The following CEP350 variants were observed in gnomAD, a reference collection of about 807,000 sequenced individuals.
CEP350 encodes the protein centrosomal protein 350.
Under a neutral mutation model 331.8 loss-of-function variants are expected in CEP350, and 126 were observed. That is an observed-to-expected ratio of 0.38 (90% CI 0.33 to 0.44). The LOEUF is 0.44. Ranked by LOEUF, CEP350 falls within the 20% of genes least tolerant of loss-of-function variation. The pLI is 1.00. For missense variants in CEP350, 3,406 were observed against 3,634.6 expected, an observed-to-expected ratio of 0.94 and a Z score of 1.62; for synonymous variants, 1,200 against 1,259.5, an observed-to-expected ratio of 0.95 and a Z score of 1.00.
At chr1:180,014,556 T>C in intron 10 of CEP350, 51 bp downstream of exon 10, 1 of 1,465,868 alleles carries the variant, frequency 6.8e-7, no homozygotes, top group South Asian at 1.4e-5. Context: ...TAGGAAATGC[T>C]TATTTGCTAT....
chr1:179,969,017 T>A, intron 1 of CEP350: 1 of 752,412 alleles, frequency 1.3e-6, no homozygotes, highest in Non-Finnish European at 2.4e-6. Context: ...CTTGTGGTGG[T>A]TTGACCACCA....
At chr1:180,044,384 C>T (rs888285228) in intron 21 of CEP350, among the ~76,000 whole-genome samples, 48 of 152,064 alleles carry the variant, frequency 3.2e-4, no homozygotes, top group Non-Finnish European at 5.6e-4. Flanking sequence ...ATTGTACAAG[C>T]ATTGTATAAA....
intron 1 of CEP350, among the ~76,000 whole-genome samples, chr1:179,958,062 T>C (rs1650309358): frequency 1.3e-5 from 2 of 152,190 alleles, no homozygotes; most frequent in African/African-American, 4.8e-5. Context: ...AGCTGCTAAG[T>C]CTACATTTGT....
At chr1:180,051,493 G>T (rs1657499138) in intron 22 of CEP350, among the ~76,000 whole-genome samples, 1 of 151,982 alleles carries the variant, frequency 6.6e-6, no homozygotes, top group South Asian at 2.1e-4. Context: ...CAACGTTTAG[G>T]ATGAAGGAAC....
intron 36 of CEP350, among the ~76,000 whole-genome samples, chr1:180,098,144 A>G (rs1558159487): frequency 6.6e-6 from 1 of 151,858 alleles, no homozygotes; most frequent in Non-Finnish European, 1.5e-5. Context: ...CTAATTTTGT[A>G]TTTTTAGTAG....
intron 11 of CEP350, among the ~76,000 whole-genome samples, chr1:180,019,256 A>G (rs1374977446): frequency 6.6e-6 from 1 of 152,200 alleles, no homozygotes; most frequent in African/African-American, 2.4e-5. Flanking sequence ...ATATAGGTAA[A>G]TACACATAAT....
intron 12 of CEP350, 121 bp from the exon 13 acceptor site, chr1:180,022,577 C>A: frequency 7.2e-6 from 5 of 699,270 alleles, no homozygotes; most frequent in Non-Finnish European, 9.4e-6. Context: ...AGAAAAGAGG[C>A]ACTATTAAAG....
chr1:180,022,671 C>A, intron 12 of CEP350, 27 bp from the exon 13 acceptor site: 1 of 1,596,506 alleles, frequency 6.3e-7, no homozygotes, highest in Non-Finnish European at 8.5e-7. Context: ...TCGTTTTTAA[C>A]CATGTTTCAA....
chr1:180,074,589 G>A (rs1659103662), intron 27 of CEP350, among the ~76,000 whole-genome samples: 1 of 152,108 alleles, frequency 6.6e-6, no homozygotes, highest in African/African-American at 2.4e-5. Flanking sequence ...TTGGGGCTTT[G>A]GGGTTTGTTT....
intron 21 of CEP350, among the ~76,000 whole-genome samples, chr1:180,046,538 AC>A (rs763775530): frequency 1.4e-4 from 21 of 152,208 alleles, no homozygotes; most frequent in Non-Finnish European, 2.6e-4. Context: ...AATGCTGTGA[AC>A]ATTCACATAT....
chr1:180,092,459 TAAAAG>T (rs1053948285), intron 33 of CEP350, among the ~76,000 whole-genome samples, 150 bp from the exon 34 acceptor site: 10 of 152,206 alleles, frequency 6.6e-5, no homozygotes, highest in South Asian at 2.1e-4. Flanking sequence ...GATATTCTCT[TAAAAG>T]AAAAACTTAT....
In CEP350 at chr1:180,020,452, T is replaced by C; in HGVS notation, c.2678T>C (p.Ile893Thr). 1 of 1,613,988 alleles carries C rather than the reference T, an allele frequency of 6.2e-7. No homozygotes were observed. Among genetic ancestry groups the C allele is most frequent in the Non-Finnish European group, 8.5e-7 (1 of 1,179,888 alleles). Residue 893 changes from isoleucine (I) to threonine (T), a missense_variant, in exon 12 of 38, where the codon ATT becomes ACT. This residue lies in a region of CEP350 where 1,857 missense variants were observed against 1,909.2 expected (regional missense o/e 0.97). Coordinates refer to ENST00000367607, the MANE Select transcript of CEP350 (RefSeq NM_014810.5). ...DDNEDVFSAR[I>T]QKMLGSCVSH... ...AATGAAGATGTTTTCTCTGCCAGAATTCAGAAGATGCTGGGAAGCTGTGTA... is the reference window on the plus strand; with the variant it reads ...AATGAAGATGTTTTCTCTGCCAGAACTCAGAAGATGCTGGGAAGCTGTGTA...
At chr1:180,069,221 G>A (rs1415929532) in intron 27 of CEP350, among the ~76,000 whole-genome samples, 1 of 152,116 alleles carries the variant, frequency 6.6e-6, no homozygotes, top group Non-Finnish European at 1.5e-5. Context: ...TTCCCAGTTG[G>A]CTTACAAAAC....
At chr1:179,985,007 T>C (rs1189559243) in intron 1 of CEP350, among the ~76,000 whole-genome samples, 2 of 152,166 alleles carry the variant, frequency 1.3e-5, no homozygotes, top group African/African-American at 4.8e-5. Context: ...AACATATACA[T>C]AACAAAATTT....
At chr1:179,985,133 C>T (rs1247726664) in intron 1 of CEP350, among the ~76,000 whole-genome samples, 1 of 152,056 alleles carries the variant, frequency 6.6e-6, no homozygotes, top group Non-Finnish European at 1.5e-5. Flanking sequence ...AAAACTGAAA[C>T]CCATTAAACA....
intron 1 of CEP350, among the ~76,000 whole-genome samples, chr1:179,978,755 A>G (rs966197347): frequency 1.3e-5 from 2 of 151,710 alleles, no homozygotes; most frequent in Non-Finnish European, 2.9e-5. Flanking sequence ...GTGCATATAT[A>G]TTTTTCTTTT....
intron 1 of CEP350, among the ~76,000 whole-genome samples, chr1:179,957,597 A>C (rs1228735937): frequency 6.6e-6 from 1 of 152,218 alleles, no homozygotes; most frequent in Non-Finnish European, 1.5e-5. Context: ...AATTGACTAA[A>C]GAATAGTCCC....
intron 22 of CEP350, among the ~76,000 whole-genome samples, chr1:180,049,217 A>T (rs1264101770): frequency 1.3e-5 from 2 of 152,214 alleles, no homozygotes; most frequent in African/African-American, 4.8e-5. Flanking sequence ...ACTTTATCTC[A>T]ATAATATAGT....
intron 16 of CEP350, among the ~76,000 whole-genome samples, chr1:180,036,111 A>G (rs1656338750): frequency 6.6e-6 from 1 of 152,212 alleles, no homozygotes; most frequent in Non-Finnish European, 1.5e-5. Flanking sequence ...AACTGCAGAT[A>G]CGGTGGAAAT....
Sources: allele counts gnomAD v4.1 joint callset (sites outside exome capture counted in the v4.1 genomes callset), GRCh38; gene constraint gnomAD v4.1.1; regional missense constraint gnomAD v4.1.1; transcripts MANE v1.5; gene names NCBI Gene and HGNC (gene_info 2026-07-23, HGNC 2026-07-21).